The following PCLO variants were observed in gnomAD, a reference collection of about 807,000 sequenced individuals.
PCLO encodes the protein protein piccolo.
PCLO carries 82 observed loss-of-function variants against 427.5 expected under a neutral mutation model. That is an observed-to-expected ratio of 0.19 (90% confidence interval 0.16 to 0.23). The LOEUF (loss-of-function observed/expected upper bound fraction) is 0.23, where lower values mean the gene tolerates loss of function less well. Among genes scored for constraint, PCLO ranks in the 10% least tolerant of loss-of-function variants. The probability of loss-of-function intolerance (pLI) is 1.00; values close to 1 mark genes in which losing one functional copy is unlikely to be tolerated. For synonymous variants in PCLO, 2,357 were observed against 2,155.4 expected (o/e 1.09, Z -2.59); for missense variants, 6,239 against 6,115.9 (o/e 1.02, Z -0.67).
intron 22 of PCLO, among the ~76,000 whole-genome samples, chr7:82,773,879 A>C (rs868201611): frequency 6.6e-6 from 1 of 152,142 alleles, no homozygotes; most frequent in African/African-American, 2.4e-5. Context: ...TCTGAAGGTA[A>C]GAGGAGAGAG....
chr7:82,878,424 ATAT>A (rs1401447023), intron 10 of PCLO, among the ~76,000 whole-genome samples: 2 of 152,184 alleles, frequency 1.3e-5, no homozygotes, highest in Admixed American at 6.5e-5. Flanking sequence ...ATTTCAAATA[ATAT>A]TATATTTAGA....
Position 83,160,981 on chromosome 7 carries a change from G to T in PCLO, c.248+1364C>A, listed in dbSNP as rs144884503. On this transcript the variant is annotated intron_variant, in intron 1 of 24. Coordinates refer to ENST00000333891, the MANE Select transcript of PCLO (RefSeq NM_033026.6). ...GGAAAACAGTACATATCATAAACTGGATAAGAGAACAAGAAAGACTTTTTC... is the reference window on the plus strand; with the variant it reads ...GGAAAACAGTACATATCATAAACTGTATAAGAGAACAAGAAAGACTTTTTC... 3.7e-3 allele frequency among the ~76,000 whole-genome samples: 564 copies of T among 152,152 alleles called. 6 individuals are homozygous for T. The highest frequency in any genetic ancestry group is 0.013 in the African/African-American group (540 of 41,532).
At chr7:82,835,786 A>G (rs1792218383) in intron 15 of PCLO, 93 bp from the exon 16 acceptor site, 1 of 958,002 alleles carries the variant, frequency 1.0e-6, no homozygotes, top group Non-Finnish European at 1.6e-6. Context: ...AAGAAAGAAA[A>G]CATGAAAATA....
At chr7:82,906,068 C>T (rs1333333510) in intron 8 of PCLO, among the ~76,000 whole-genome samples, 3 of 151,444 alleles carry the variant, frequency 2.0e-5, no homozygotes, top group Non-Finnish European at 3.0e-5. Flanking sequence ...CACACACACA[C>T]ATACACACAC....
intron 20 of PCLO, among the ~76,000 whole-genome samples, chr7:82,809,786 GA>G (rs1791531233): frequency 6.6e-6 from 1 of 151,348 alleles, no homozygotes; most frequent in Admixed American, 6.6e-5. Flanking sequence ...AAACTTTAGG[GA>G]GTCATTTTTT....
chr7:82,799,472 A>G (rs1057413500), intron 22 of PCLO, among the ~76,000 whole-genome samples: 20 of 152,218 alleles, frequency 1.3e-4, no homozygotes, highest in African/African-American at 4.8e-4. Context: ...AAAGGAGGCA[A>G]AATTGGGGAG....
intron 3 of PCLO, among the ~76,000 whole-genome samples, chr7:83,133,946 A>AT (rs577175640): frequency 9.4e-4 from 143 of 151,628 alleles, no homozygotes; most frequent in Non-Finnish European, 1.5e-3. Context: ...AAAAGCTATT[A>AT]TTTTTTTCTT....
chr7:82,882,552 T>C (rs1309270613), intron 9 of PCLO, among the ~76,000 whole-genome samples: 1 of 152,150 alleles, frequency 6.6e-6, no homozygotes, highest in Non-Finnish European at 1.5e-5. Flanking sequence ...AAAAAGAAAG[T>C]CATAAGTTAT....
At chr7:82,829,633 T>C (rs531174374) in intron 16 of PCLO, among the ~76,000 whole-genome samples, 15 of 152,282 alleles carry the variant, frequency 9.9e-5, no homozygotes, top group Admixed American at 9.2e-4. Context: ...GGAGCTCTCA[T>C]AGACTATGGA....
In PCLO at chr7:83,093,477, G is replaced by GTGTGTGTGTGT. The variant is rs1209162419; in HGVS notation, c.3300+40772_3300+40773insACACACACACA. On this transcript the variant is annotated intron_variant, in intron 3 of 24. Coordinates refer to ENST00000333891, the MANE Select transcript of PCLO (RefSeq NM_033026.6). Reference sequence around the variant, plus strand: ...AAACATATATATGTGTGTGTGTATAGATATATATATATATATTTTTTTTTT... The same window carrying GTGTGTGTGTGT: ...AAACATATATATGTGTGTGTGTATAGTGTGTGTGTGTATATATATATATATATTTTTTTTTT... Among the ~76,000 whole-genome samples the GTGTGTGTGTGT allele has an allele frequency of 6.7e-3, 614 of 91,736 alleles. 14 individuals carry two copies. The highest frequency in any genetic ancestry group is 0.026 in the African/African-American group (585 of 22,382). 60.2% of individuals were successfully genotyped at this position (91,736 alleles called of 152,430 possible). A position where few individuals can be genotyped will look rare whatever the true frequency, so the allele number is the denominator to read the frequency against.
chr7:82,801,567 T>C lies in PCLO; in HGVS notation c.14958A>G (p.Gln4986=). Residue 4986 remains glutamine (Q), a synonymous_variant, in exon 22 of 25, where the codon CAA becomes CAG. Coordinates refer to ENST00000333891, the MANE Select transcript of PCLO (RefSeq NM_033026.6). Reference sequence around the variant, plus strand: ...CTACCCCTGGCTGTTTTACAGGCTCTTGTCCATTCTGTCCCATCTTCCCTC... The same window carrying C: ...CTACCCCTGGCTGTTTTACAGGCTCCTGTCCATTCTGTCCCATCTTCCCTC... ...PRIGKMGQNG[Q]EPVKQPGVGV... 1 of 1,593,090 alleles carries C rather than the reference T, an allele frequency of 6.3e-7. No individual in the cohort carries two copies. Among genetic ancestry groups the C allele is most frequent in the South Asian group, 1.1e-5 (1 of 90,530 alleles).
chr7:83,104,990 T>A lies in PCLO; in HGVS notation c.3300+29260A>T, dbSNP rs376544235. On this transcript the variant is annotated intron_variant, in intron 3 of 24. Coordinates refer to ENST00000333891, the MANE Select transcript of PCLO (RefSeq NM_033026.6). The stretch of plus-strand genomic sequence containing the variant: ...AAGATCAGAGTTTTCAGTAGCAAGA[T>A]CCTAAATATTCCTACTATAGCACAA... Among the ~76,000 whole-genome samples, 46 of 152,202 alleles carry A rather than the reference T, an allele frequency of 3.0e-4. No homozygotes were observed. In the South Asian group the frequency reaches 9.3e-3, roughly 31 times the overall value.
In PCLO at chr7:82,822,406, C is replaced by G. The variant is rs141725441; in HGVS notation, c.14791+89G>C. 9.8e-5 allele frequency: 157 copies of G among 1,606,008 alleles called. 1 individual carries two copies. The African/African-American group carries it at 1.9e-3, about 19-fold the overall frequency. On this transcript the variant is annotated intron_variant, in intron 20 of 24. Coordinates refer to ENST00000333891, the MANE Select transcript of PCLO (RefSeq NM_033026.6). ...CAGGGTGAGCAGAGGATGTTGAAAA[C>G]TGAAAGCAAACAGGAAAGGACAGCA...
At chr7:82,988,096 T>G in intron 3 of PCLO, among the ~76,000 whole-genome samples, 1 of 152,242 alleles carries the variant, frequency 6.6e-6, no homozygotes, top group South Asian at 2.1e-4. Context: ...AAATTTAGGT[T>G]ATTTTGGTCT....
At chr7:83,052,747 A>G (rs888849310) in intron 3 of PCLO, among the ~76,000 whole-genome samples, 1 of 151,980 alleles carries the variant, frequency 6.6e-6, no homozygotes, top group Non-Finnish European at 1.5e-5. Flanking sequence ...AGAAACAAAG[A>G]TAATCTTGAC....
intron 21 of PCLO, 117 bp from the exon 22 acceptor site, chr7:82,801,708 T>C: frequency 1.6e-6 from 1 of 630,348 alleles, no homozygotes; most frequent in Non-Finnish European, 2.8e-6. Flanking sequence ...CAATTACTTT[T>C]GCACAACCGA....
chr7:82,969,232 A>G (rs1028828101), intron 3 of PCLO, among the ~76,000 whole-genome samples: 2 of 152,318 alleles, frequency 1.3e-5, no homozygotes, highest in Middle Eastern at 3.4e-3. Context: ...GATAAAAGGT[A>G]TCATCTATGT....
At chr7:82,854,002 C>T (rs923065679) in intron 10 of PCLO, among the ~76,000 whole-genome samples, 1 of 152,112 alleles carries the variant, frequency 6.6e-6, no homozygotes, top group Non-Finnish European at 1.5e-5. Flanking sequence ...GATCCTAAAA[C>T]TTCCATTTTG....
intron 16 of PCLO, among the ~76,000 whole-genome samples, chr7:82,830,290 A>C (rs769023800): frequency 2.2e-4 from 34 of 151,906 alleles, no homozygotes; most frequent in Non-Finnish European, 4.0e-4. Context: ...AAAATTCAAA[A>C]ATTTTTAGTA....
Sources: gnomAD v4.1 joint callset for allele counts (sites outside exome capture counted in the v4.1 genomes callset) on GRCh38, gnomAD v4.1.1 for gene constraint, MANE v1.5 for transcripts, NCBI Gene and HGNC (gene_info 2026-07-23, HGNC 2026-07-21) for gene names.